The following SDK1 variants were observed in gnomAD, a reference collection of about 807,000 sequenced individuals.
SDK1 encodes the protein protein sidekick-1.
A neutral mutation model predicts 245.5 loss-of-function variants in SDK1; 157 were observed. The ratio of observed to expected loss-of-function variants is 0.64; its 90% CI spans 0.56 to 0.73. The LOEUF (loss-of-function observed/expected upper bound fraction) is 0.73. SDK1 is among the 30% of genes least tolerant of loss of function. SDK1 has a pLI of 0.00. For missense variants in SDK1, 3,583 were observed against 3,002.3 expected, an observed-to-expected ratio of 1.19 and a Z score of -4.52; for synonymous variants, 1,647 against 1,278.5, an observed-to-expected ratio of 1.29 and a Z score of -6.15.
At chr7:3,534,471 A>G (rs1313536757) in intron 1 of SDK1, among the ~76,000 whole-genome samples, 1 of 152,164 alleles carries the variant, frequency 6.6e-6, no homozygotes, top group Admixed American at 6.5e-5. Context: ...ACCATTTTCC[A>G]TAACGGTTGT....
At chr7:3,918,988 C>T (rs1779490400) in intron 5 of SDK1, among the ~76,000 whole-genome samples, 1 of 152,206 alleles carries the variant, frequency 6.6e-6, no homozygotes, top group South Asian at 2.1e-4. Context: ...TCACCATAAT[C>T]ATCATTAGCC....
At chr7:3,966,501 G>A (rs567794249) in intron 9 of SDK1, among the ~76,000 whole-genome samples, 1 of 152,048 alleles carries the variant, frequency 6.6e-6, no homozygotes, top group Non-Finnish European at 1.5e-5. Context: ...AGGGCTGCTC[G>A]GGGCCGTGAC....
chr7:3,659,128 T>C (rs6462216), intron 4 of SDK1, among the ~76,000 whole-genome samples: 39,194 of 152,118 alleles, frequency 0.26, 5,391 homozygotes, highest in South Asian at 0.31. Flanking sequence ...GCTTTCTTTT[T>C]CTTTTGTCCT....
At chr7:3,407,437 G>C (rs1779083982) in intron 1 of SDK1, among the ~76,000 whole-genome samples, 1 of 152,136 alleles carries the variant, frequency 6.6e-6, no homozygotes, top group South Asian at 2.1e-4. Flanking sequence ...CAGTGCCTTG[G>C]TTGACTGGTC....
chr7:3,399,573 G>A (rs980580887), intron 1 of SDK1, among the ~76,000 whole-genome samples: 26 of 152,238 alleles, frequency 1.7e-4, no homozygotes, highest in Non-Finnish European at 3.2e-4. Context: ...TATCCCCCCA[G>A]AGTATCATCC....
At position 3,598,087 on chromosome 7, in the gene SDK1, G is replaced by C. The variant is rs1781126276; in HGVS notation, c.299-20993G>C. On this transcript the variant is annotated intron_variant, in intron 1 of 44. Coordinates refer to ENST00000404826, the MANE Select transcript of SDK1 (RefSeq NM_152744.4). ...TGAGTTGCAGTTGCTACACCTATTT[G>C]CCTACATTTAGTGTTGTTTGTATTA... Among the ~76,000 whole-genome samples, 4 of 152,174 alleles carry C rather than the reference G, an allele frequency of 2.6e-5. No homozygotes were observed. In the South Asian group the frequency reaches 8.3e-4, roughly 32 times the overall value.
rs1017986351 is a variant in SDK1 at position 3,636,295 on chromosome 7, C to G, written c.459-2709C>G. The stretch of plus-strand genomic sequence containing the variant: ...CAGTATGATTCCTGTAAATGCTATG[C>G]TGCACAGAAGCTCTGCAGGACTCAC... On this transcript the variant is annotated intron_variant, in intron 2 of 44. Coordinates refer to ENST00000404826, the MANE Select transcript of SDK1 (RefSeq NM_152744.4). Among the ~76,000 whole-genome samples the G allele has an allele frequency of 6.6e-5, 10 of 152,294 alleles. No individual in the cohort carries two copies. The East Asian group carries it at 1.7e-3, about 26-fold the overall frequency.
At chr7:4,225,447 G>T (rs553117147) in intron 40 of SDK1, among the ~76,000 whole-genome samples, 5 of 152,282 alleles carry the variant, frequency 3.3e-5, no homozygotes, top group Admixed American at 3.3e-4. Flanking sequence ...GCCAGACACG[G>T]GTGCCTGGGC....
chr7:4,261,697 A>C (rs1305966038), intron 44 of SDK1, among the ~76,000 whole-genome samples: 1 of 152,220 alleles, frequency 6.6e-6, no homozygotes. Flanking sequence ...GATGATCCTC[A>C]GATGGCATTT....
At chr7:3,860,461 A>T (rs1780664056) in intron 5 of SDK1, among the ~76,000 whole-genome samples, 1 of 152,342 alleles carries the variant, frequency 6.6e-6, no homozygotes. Flanking sequence ...AAGGCAAACT[A>T]TAAATTTTCA....
At chr7:3,438,371 G>A (rs1397354567) in intron 1 of SDK1, among the ~76,000 whole-genome samples, 4 of 152,104 alleles carry the variant, frequency 2.6e-5, no homozygotes, top group African/African-American at 4.8e-5. Flanking sequence ...CTGTGTATTC[G>A]AAATAATTTC....
intron 1 of SDK1, among the ~76,000 whole-genome samples, chr7:3,414,318 G>A (rs1337060528): frequency 1.3e-5 from 2 of 152,186 alleles, no homozygotes; most frequent in Middle Eastern, 3.4e-3. Context: ...TGGACTGTTT[G>A]GCCCAGCCCA....
chr7:3,405,957 C>T (rs1056906544), intron 1 of SDK1, among the ~76,000 whole-genome samples: 1 of 151,922 alleles, frequency 6.6e-6, no homozygotes, highest in Non-Finnish European at 1.5e-5. Flanking sequence ...GGATTACAGG[C>T]ATACCTCACT....
chr7:3,358,135 C>A (rs959047816), intron 1 of SDK1, among the ~76,000 whole-genome samples: 1 of 152,096 alleles, frequency 6.6e-6, no homozygotes, highest in African/African-American at 2.4e-5. Flanking sequence ...GATTCTCCTG[C>A]GTCAGCTTCC....
chr7:4,129,542 G>C lies in SDK1; in HGVS notation c.3940-366G>C, dbSNP rs113428571. 281 of 548,308 alleles carry C rather than the reference G, an allele frequency of 5.1e-4. 1 individual carries two copies. The highest frequency in any genetic ancestry group is 7.5e-4 in the Middle Eastern group (1 of 1,328). 34.0% of individuals were successfully genotyped at this position (548,308 alleles called of 1,614,324 possible). Reference sequence around the variant, plus strand: ...AGCTTCCATGGCTGGAAAACCCAGGGGGCTGCTGGCTCCTGTGGCAGGAAG... The same window carrying C: ...AGCTTCCATGGCTGGAAAACCCAGGCGGCTGCTGGCTCCTGTGGCAGGAAG... On this transcript the variant is annotated intron_variant, in intron 26 of 44. Coordinates refer to ENST00000404826, the MANE Select transcript of SDK1 (RefSeq NM_152744.4).
chr7:3,647,828 G>C (rs1407125246), intron 4 of SDK1, among the ~76,000 whole-genome samples: 1 of 152,136 alleles, frequency 6.6e-6, no homozygotes, highest in African/African-American at 2.4e-5. Flanking sequence ...CTGGATGAAT[G>C]AATGTGAAGA....
At chr7:3,430,718 G>A (rs1280294251) in intron 1 of SDK1, among the ~76,000 whole-genome samples, 1 of 152,190 alleles carries the variant, frequency 6.6e-6, no homozygotes, top group African/African-American at 2.4e-5. Context: ...TCCGTGGCTT[G>A]TTAGGAATCT....
At chr7:4,161,998 C>A in intron 32 of SDK1, 142 bp downstream of exon 32, 1 of 642,504 alleles carries the variant, frequency 1.6e-6, no homozygotes. Context: ...CACCCTCAGA[C>A]TCAAAAACGC....
At chr7:3,941,547 G>A (rs1469362905) in intron 5 of SDK1, among the ~76,000 whole-genome samples, 1 of 151,726 alleles carries the variant, frequency 6.6e-6, no homozygotes, top group Non-Finnish European at 1.5e-5. Context: ...TTCCTGAAAT[G>A]CCTTTCCTTC....
Sources: gnomAD v4.1 joint callset for allele counts (sites outside exome capture counted in the v4.1 genomes callset) on GRCh38, gnomAD v4.1.1 for gene constraint, MANE v1.5 for transcripts, NCBI Gene and HGNC (gene_info 2026-07-23, HGNC 2026-07-21) for gene names.